IL6R: variants seen among roughly 807,000 people sequenced by gnomAD.
IL6R encodes the protein interleukin-6 receptor subunit alpha.
In IL6R, 38 loss-of-function variants were observed where a neutral mutation model predicts 48.3. That is an observed-to-expected ratio of 0.79 (90% confidence interval 0.61 to 1.03). IL6R has a LOEUF of 1.03. Among genes scored for constraint, IL6R ranks in the 50% least tolerant of loss-of-function variants. IL6R has a pLI of 0.00. For synonymous variants in IL6R, 264 were observed against 256.2 expected (o/e 1.03, Z -0.29); for missense variants, 534 against 618.3 (o/e 0.86, Z 1.45).
chr1:154,410,268 A>T (rs1256043682), intron 1 of IL6R, among the ~76,000 whole-genome samples: 49 of 148,496 alleles, frequency 3.3e-4, no homozygotes, highest in Middle Eastern at 3.4e-3. Flanking sequence ...TTTTTTTTTT[A>T]AATACAGGAT....
At chr1:154,454,215 G>A in intron 8 of IL6R, 1 of 487,576 alleles carries the variant, frequency 2.1e-6, no homozygotes, top group Non-Finnish European at 3.7e-6. Context: ...CAGAAACCCT[G>A]AGCTTGAGGT....
intron 8 of IL6R, 101 bp from the exon 9 acceptor site, chr1:154,454,387 G>A: frequency 1.3e-6 from 1 of 761,966 alleles, no homozygotes; most frequent in Admixed American, 2.2e-5. Flanking sequence ...GTTCCTTTGA[G>A]GCTTTTGACA....
intron 6 of IL6R, among the ~76,000 whole-genome samples, chr1:154,437,025 CTTA>C (rs1190740791): frequency 2.6e-5 from 4 of 152,072 alleles, no homozygotes; most frequent in African/African-American, 9.7e-5. Context: ...CTTTTGGAAA[CTTA>C]TTATTTAGTA....
Position 154,459,387 on chromosome 1 carries a change from C to T in IL6R, c.1160+4806C>T, listed in dbSNP as rs371321061. On this transcript the variant is annotated intron_variant, in intron 9 of 9. Transcript: ENST00000368485. The stretch of plus-strand genomic sequence containing the variant: ...TAAGGCAAATTTGTTTGGAAAGAGG[C>T]CAGTTATTTCAAGTGATGAAGAAGC... Among the ~76,000 whole-genome samples, 69 of 152,252 alleles carry T rather than the reference C, an allele frequency of 4.5e-4. 1 individual carries two copies. Among genetic ancestry groups the T allele is most frequent in the African/African-American group, 1.6e-3 (66 of 41,538 alleles).
intron 3 of IL6R, among the ~76,000 whole-genome samples, chr1:154,433,757 C>T (rs1336976022): frequency 1.3e-5 from 2 of 150,458 alleles, no homozygotes; most frequent in Non-Finnish European, 3.0e-5. Flanking sequence ...GAGATGGAGT[C>T]TCTGTCGCCC....
chr1:154,447,476 T>TACACACACACACACAC (rs1230551409), intron 6 of IL6R, among the ~76,000 whole-genome samples: 69 of 68,790 alleles, frequency 1.0e-3, no homozygotes, highest in African/African-American at 3.6e-3. Context: ...TATATATATA[T>TACACACACACACACAC]ACACACACAC....
rs1168033215 is a variant in IL6R at position 154,413,001 on chromosome 1, TC to T, written c.85+7294del. ...GATGTACTGAGTTTATTTATCTGGTTCCCCCCCTTTTTTTTTTTGAGACAGA... is the reference window on the plus strand; with the variant it reads ...GATGTACTGAGTTTATTTATCTGGTTCCCCCCTTTTTTTTTTTGAGACAGA... On this transcript the variant is annotated intron_variant, in intron 1 of 9. Coordinates refer to ENST00000368485, the MANE Select transcript of IL6R (RefSeq NM_000565.4). Among the ~76,000 whole-genome samples the T allele has an allele frequency of 4.2e-3, 637 of 150,874 alleles. 5 individuals carry two copies. The highest frequency in any genetic ancestry group is 4.0e-3 in the Non-Finnish European group (268 of 67,670).
chr1:154,421,642 C>G (rs1261476974), intron 1 of IL6R, among the ~76,000 whole-genome samples: 4 of 152,156 alleles, frequency 2.6e-5, no homozygotes, highest in Non-Finnish European at 5.9e-5. Flanking sequence ...TTTTTTGAGA[C>G]ACAGTCTTGC....
chr1:154,463,818 G>A (rs1691392187), intron 9 of IL6R, among the ~76,000 whole-genome samples: 1 of 152,238 alleles, frequency 6.6e-6, no homozygotes, highest in Admixed American at 6.5e-5. Context: ...GGAGCACTGT[G>A]AACCAAGCTG....
At chr1:154,454,612 G>C (rs761774618) in intron 9 of IL6R, 31 bp downstream of exon 9, 1 of 1,420,776 alleles carries the variant, frequency 7.0e-7, no homozygotes, top group Non-Finnish European at 9.9e-7. Context: ...TGGCCCTGTG[G>C]TGTTCTCATA....
At chr1:154,459,881 T>C (rs1326507479) in intron 9 of IL6R, among the ~76,000 whole-genome samples, 1 of 152,210 alleles carries the variant, frequency 6.6e-6, no homozygotes, top group Non-Finnish European at 1.5e-5. Context: ...TGTATGCCTA[T>C]GACTTAAACA....
At chr1:154,442,471 G>A (rs1373733998) in intron 6 of IL6R, among the ~76,000 whole-genome samples, 1 of 152,182 alleles carries the variant, frequency 6.6e-6, no homozygotes, top group Non-Finnish European at 1.5e-5. Flanking sequence ...AGTGGGACAG[G>A]TGGAGGCCGG....
At chr1:154,463,154 G>C (rs1691363152) in intron 9 of IL6R, among the ~76,000 whole-genome samples, 2 of 74,040 alleles carry the variant, frequency 2.7e-5, no homozygotes. Context: ...GTGCATAAAG[G>C]GTTTTTTTTT....
intron 1 of IL6R, among the ~76,000 whole-genome samples, chr1:154,408,974 G>A (rs868502908): frequency 2.6e-5 from 4 of 151,980 alleles, no homozygotes; most frequent in African/African-American, 7.3e-5. Context: ...GTGAGATGCC[G>A]TCTCTACAAA....
chr1:154,437,474 T>C (rs1271598754), intron 6 of IL6R: 1 of 445,768 alleles, frequency 2.2e-6, no homozygotes, highest in Non-Finnish European at 4.6e-6. Flanking sequence ...AGTACAGCAG[T>C]GCAATCACAG....
intron 1 of IL6R, among the ~76,000 whole-genome samples, chr1:154,414,170 T>TC (rs1558298802): frequency 6.6e-6 from 1 of 152,178 alleles, no homozygotes; most frequent in African/African-American, 2.4e-5. Context: ...AATTTTTTTT[T>TC]CCAACTAGTT....
At chr1:154,424,219 T>G (rs1179568141) in intron 1 of IL6R, among the ~76,000 whole-genome samples, 1 of 152,190 alleles carries the variant, frequency 6.6e-6, no homozygotes, top group Non-Finnish European at 1.5e-5. Flanking sequence ...TGGGCACCCC[T>G]AACATGCCCT....
intron 3 of IL6R, 67 bp downstream of exon 3, chr1:154,430,673 C>T: frequency 6.3e-7 from 1 of 1,596,374 alleles, no homozygotes; most frequent in Middle Eastern, 1.7e-4. Context: ...CAGAGAGGGG[C>T]TGGTTCAGGT....
At position 154,447,453 on chromosome 1, in the gene IL6R, A is replaced by AT. The variant is rs1181775860; in HGVS notation, c.950-672_950-671insT. On this transcript the variant is annotated intron_variant, in intron 6 of 9. Coordinates refer to ENST00000368485, the MANE Select transcript of IL6R (RefSeq NM_000565.4). ...AACTCCATCTCAAAAAAAAAAAAAA[A>AT]AATATATATATATATATATATATAC... 6.9e-4 allele frequency among the ~76,000 whole-genome samples: 57 copies of AT among 82,168 alleles called. 3 individuals are homozygous for AT. The highest frequency in any genetic ancestry group is 6.2e-4 in the South Asian group (2 of 3,250). The allele number at this position is 82,168 out of a possible 152,430, so 53.9% of individuals were successfully genotyped here.
Sources: allele counts gnomAD v4.1 joint callset (sites outside exome capture counted in the v4.1 genomes callset), GRCh38; gene constraint gnomAD v4.1.1; transcripts MANE v1.5; gene names NCBI Gene and HGNC (gene_info 2026-07-23, HGNC 2026-07-21).